The following MICU3 variants were observed in gnomAD, a reference collection of about 807,000 sequenced individuals.
MICU3 encodes calcium uptake protein 3, mitochondrial.
A neutral mutation model predicts 66.5 loss-of-function variants in MICU3; 62 were observed. The observed-to-expected ratio is 0.93, with a 90% CI of 0.76 to 1.15. The LOEUF is 1.15. Ranked by LOEUF, MICU3 falls within the 50% of genes most tolerant of loss-of-function variation. The pLI is 0.00. For missense variants in MICU3, 779 were observed against 664.4 expected (o/e 1.17, Z -1.90); for synonymous variants, 308 against 240.7 (o/e 1.28, Z -2.59).
At position 17,072,348 on chromosome 8, in the gene MICU3, G is replaced by C. The variant is rs573290030; in HGVS notation, c.567+2629G>C. Among the ~76,000 whole-genome samples the C allele has an allele frequency of 1.5e-4, 23 of 152,072 alleles. 1 individual carries two copies. Among genetic ancestry groups the C allele is most frequent in the African/African-American group, 5.5e-4 (23 of 41,512 alleles). On this transcript the variant is annotated intron_variant, in intron 3 of 14. Transcript: ENST00000318063. ...ACTTTTCCATGGAGGGGGCAAATTA[G>C]GCCTCAGATTTACTACCATATACAA...
chr8:17,085,451 AG>A, intron 6 of MICU3, 133 bp downstream of exon 6: 1 of 520,746 alleles, frequency 1.9e-6, no homozygotes, highest in South Asian at 3.6e-5. Context: ...TACTTAATAA[AG>A]TATAATACTC....
In MICU3 at chr8:17,116,608, T is replaced by C; in HGVS notation, c.1524+8T>C. The C allele has an allele frequency of 6.5e-7, 1 of 1,542,998 alleles. No homozygotes were observed. The highest frequency in any genetic ancestry group is 1.8e-4 in the Middle Eastern group (1 of 5,568). On this transcript the variant is annotated splice_region_variant and intron_variant, in intron 13 of 14. Transcript: ENST00000318063. ...CTCCATAGAGGATTCCGGGTAAACC[T>C]ACACATTTTAAACCTATTGATATCC...
At chr8:17,105,877 C>G (rs1298884566) in intron 11 of MICU3, among the ~76,000 whole-genome samples, 1 of 152,000 alleles carries the variant, frequency 6.6e-6, no homozygotes, top group Non-Finnish European at 1.5e-5. Flanking sequence ...TAGCTCTATG[C>G]TTTGACTACT....
At chr8:17,119,850 A>G (rs1172098746) in intron 14 of MICU3, among the ~76,000 whole-genome samples, 2 of 152,152 alleles carry the variant, frequency 1.3e-5, no homozygotes, top group African/African-American at 2.4e-5. Context: ...AGGCTTACTT[A>G]TTTGTCTAAG....
At position 17,115,453 on chromosome 8, in the gene MICU3, C is replaced by T. The variant is rs540392822; in HGVS notation, c.1367-990C>T. ...AAAGAAACAAATCAATATCTGGTTA[C>T]TGGGTTCAGAATAGAAAAGTTGTTT... On this transcript the variant is annotated intron_variant, in intron 12 of 14. Transcript: ENST00000318063. Among the ~76,000 whole-genome samples the T allele has an allele frequency of 1.6e-3, 248 of 152,246 alleles. 1 individual carries two copies. The highest frequency in any genetic ancestry group is 5.8e-3 in the African/African-American group (243 of 41,544).
intron 1 of MICU3, among the ~76,000 whole-genome samples, chr8:17,060,373 T>C (rs563372864): frequency 3.3e-5 from 5 of 152,174 alleles, no homozygotes; most frequent in Admixed American, 2.6e-4. Context: ...TTTGGTGTAC[T>C]GCAGCCTCTG....
intron 8 of MICU3, among the ~76,000 whole-genome samples, chr8:17,091,888 G>T (rs1418994470): frequency 6.6e-6 from 1 of 151,682 alleles, no homozygotes; most frequent in African/African-American, 2.4e-5. Context: ...TGTTTGTTTG[G>T]TGTTTTTTAA....
At chr8:17,110,515 C>A (rs561725152) in intron 11 of MICU3, among the ~76,000 whole-genome samples, 19 of 152,218 alleles carry the variant, frequency 1.2e-4, no homozygotes, top group South Asian at 6.2e-4. Flanking sequence ...AATCATATAG[C>A]ATGTAACCTT....
chr8:17,102,886 GA>G (rs1411164937), intron 9 of MICU3, among the ~76,000 whole-genome samples: 1 of 151,944 alleles, frequency 6.6e-6, no homozygotes, highest in Admixed American at 6.6e-5. Context: ...AGTAAACTGA[GA>G]AGTAGTAGTA....
At chr8:17,060,484 G>T (rs1026167575) in intron 1 of MICU3, among the ~76,000 whole-genome samples, 1 of 151,936 alleles carries the variant, frequency 6.6e-6, no homozygotes, top group Non-Finnish European at 1.5e-5. Flanking sequence ...GCCAATTTTT[G>T]TATTTTTAGT....
intron 1 of MICU3, among the ~76,000 whole-genome samples, chr8:17,033,922 A>G (rs890291467): frequency 6.6e-6 from 1 of 152,186 alleles, no homozygotes; most frequent in Non-Finnish European, 1.5e-5. Flanking sequence ...AGCTAGGATA[A>G]CTGATGAAGG....
chr8:17,105,350 T>C, intron 10 of MICU3, 63 bp from the exon 11 acceptor site: 1 of 944,540 alleles, frequency 1.1e-6, no homozygotes, highest in South Asian at 1.6e-5. Context: ...GAGTATTTGC[T>C]CATCTCCTGT....
In MICU3 at chr8:17,116,556, G is replaced by C. The variant is rs747744646; in HGVS notation, c.1480G>C (p.Glu494Gln). 1 of 1,562,606 alleles carries C rather than the reference G, an allele frequency of 6.4e-7. No homozygotes were observed. Among genetic ancestry groups the C allele is most frequent in the East Asian group, 2.4e-5 (1 of 42,544 alleles). ...CAAAGATGATCAATTAAGTTATAAAGAATTTATTGGAATTATGAAAGACAG... is the reference window on the plus strand; with the variant it reads ...CAAAGATGATCAATTAAGTTATAAACAATTTATTGGAATTATGAAAGACAG... The part of the protein sequence containing the change: ...VDKDDQLSYK[E>Q]FIGIMKDRLH... The change falls in exon 13 of 15, where the codon GAA (glutamate) becomes CAA (glutamine). Residue 494 changes from glutamate to glutamine, a missense_variant. By Grantham distance (29) the Glu-to-Gln change is conservative. Transcript: ENST00000318063.
At chr8:17,042,957 T>TTTTTTTTTTTTTA (rs1814434143) in intron 1 of MICU3, among the ~76,000 whole-genome samples, 1 of 144,946 alleles carries the variant, frequency 6.9e-6, no homozygotes, top group African/African-American at 2.6e-5. Context: ...TTTTTTTTTT[T>TTTTTTTTTTTTTA]GAGACGGAGT....
At chr8:17,068,309 A>G (rs977068294) in intron 2 of MICU3, among the ~76,000 whole-genome samples, 2 of 152,158 alleles carry the variant, frequency 1.3e-5, no homozygotes, top group East Asian at 3.9e-4. Flanking sequence ...CAGAATGAAT[A>G]TGTCTTTTGT....
At chr8:17,112,123 T>C (rs1388906944) in intron 11 of MICU3, among the ~76,000 whole-genome samples, 3 of 152,044 alleles carry the variant, frequency 2.0e-5, no homozygotes, top group Non-Finnish European at 1.5e-5. Flanking sequence ...TATAGGTCCC[T>C]CCCTCCCTGG....
chr8:17,085,180 GTACTTTAAAA>G, intron 5 of MICU3, 46 bp from the exon 6 acceptor site: 1 of 1,175,250 alleles, frequency 8.5e-7, no homozygotes, highest in South Asian at 1.3e-5. Context: ...TATGGATTTT[GTACTTTAAAA>G]TACATTTTTC....
At chr8:17,137,245 G>A in the MICU3 span, among the ~76,000 whole-genome samples, 2 of 151,998 alleles carry the variant, frequency 1.3e-5, no homozygotes, top group Non-Finnish European at 2.9e-5. Context: ...CATGAGGTAT[G>A]AATTATGTAA....
At chr8:17,071,059 C>A (rs187145232) in intron 3 of MICU3, among the ~76,000 whole-genome samples, 1 of 152,186 alleles carries the variant, frequency 6.6e-6, no homozygotes, top group East Asian at 1.9e-4. Flanking sequence ...TTGGAACTTT[C>A]TATTTAATGT....
Sources: allele counts gnomAD v4.1 joint callset (sites outside exome capture counted in the v4.1 genomes callset), GRCh38; gene constraint gnomAD v4.1.1; transcripts MANE v1.5; gene names NCBI Gene and HGNC (gene_info 2026-07-23, HGNC 2026-07-21).